Variants in GALNT13 observed in about 807,000 individuals in gnomAD.
GALNT13 encodes the protein UDP-GalNAc:polypeptide N-acetylgalactosaminyltransferase 13.
A neutral mutation model predicts 64.2 loss-of-function variants in GALNT13; 28 were observed. The observed-to-expected ratio is 0.44, with a 90% CI of 0.32 to 0.60. GALNT13 has a LOEUF of 0.60. GALNT13 is among the 20% of genes least tolerant of loss of function. The probability of loss-of-function intolerance (pLI) is 0.05; values close to 1 mark genes in which losing one functional copy is unlikely to be tolerated. For missense variants in GALNT13, 577 were observed against 669.8 expected (o/e 0.86, Z 1.53); for synonymous variants, 214 against 224.6 (o/e 0.95, Z 0.42).
At chr2:153,640,155 C>T in the GALNT13 span, among the ~76,000 whole-genome samples, 1 of 152,052 alleles carries the variant, frequency 6.6e-6, no homozygotes, top group Non-Finnish European at 1.5e-5. Flanking sequence ...CTGTGGCTCC[C>T]TCTTGTCTCT....
chr2:153,942,402 C>T (rs1691400517), intron 2 of GALNT13, among the ~76,000 whole-genome samples: 1 of 151,930 alleles, frequency 6.6e-6, no homozygotes. Context: ...TTATTTTCTA[C>T]AATAAAGTGA....
the GALNT13 span, among the ~76,000 whole-genome samples, chr2:153,156,212 G>GT: frequency 1.3e-5 from 2 of 152,150 alleles, no homozygotes; most frequent in African/African-American, 4.8e-5. Context: ...ATATTTTGTT[G>GT]TTTTGGGATG....
intron 9 of GALNT13, among the ~76,000 whole-genome samples, chr2:154,341,006 G>T (rs959630007): frequency 6.6e-6 from 1 of 151,872 alleles, no homozygotes; most frequent in Admixed American, 6.6e-5. Flanking sequence ...ATAATACATA[G>T]ATATTTTATT....
chr2:154,020,306 A>C (rs1372727706), intron 3 of GALNT13, among the ~76,000 whole-genome samples: 2 of 152,214 alleles, frequency 1.3e-5, no homozygotes, highest in Non-Finnish European at 2.9e-5. Context: ...ACTAGTTTAC[A>C]GTCTCACCAA....
chr2:154,132,628 G>A (rs1365535101), intron 3 of GALNT13, among the ~76,000 whole-genome samples: 1 of 152,128 alleles, frequency 6.6e-6, no homozygotes, highest in East Asian at 1.9e-4. Context: ...GCTCATGCCT[G>A]TAATTCCAGC....
chr2:154,114,320 A>C (rs1224328515), intron 3 of GALNT13, among the ~76,000 whole-genome samples: 1 of 152,118 alleles, frequency 6.6e-6, no homozygotes, highest in Non-Finnish European at 1.5e-5. Context: ...GCACTGGGGA[A>C]ATGACCACAG....
the GALNT13 span, among the ~76,000 whole-genome samples, chr2:153,725,513 T>C: frequency 6.6e-6 from 1 of 151,644 alleles, no homozygotes; most frequent in Admixed American, 6.6e-5. Context: ...CTAATATGAC[T>C]AAGATGCAGT....
chr2:153,333,722 T>A, the GALNT13 span, among the ~76,000 whole-genome samples: 1 of 152,232 alleles, frequency 6.6e-6, no homozygotes, highest in Non-Finnish European at 1.5e-5. Context: ...AGAAAGTTAC[T>A]CATAGCCAAA....
At chr2:153,341,449 A>G in the GALNT13 span, among the ~76,000 whole-genome samples, 7 of 152,336 alleles carry the variant, frequency 4.6e-5, no homozygotes, top group African/African-American at 1.7e-4. Flanking sequence ...AGCTCTTTGC[A>G]ACTAGAGAAT....
At chr2:153,769,331 AT>A in the GALNT13 span, among the ~76,000 whole-genome samples, 35,709 of 151,976 alleles carry the variant, frequency 0.23, 4,504 homozygotes, top group Non-Finnish European at 0.28. Flanking sequence ...TTTATTTTTC[AT>A]TTATGAAGGT....
intron 4 of GALNT13, among the ~76,000 whole-genome samples, chr2:154,229,839 G>A (rs995556257): frequency 6.6e-6 from 1 of 152,078 alleles, no homozygotes; most frequent in Non-Finnish European, 1.5e-5. Context: ...ATAACATGAG[G>A]TGAAGCTGAT....
intron 11 of GALNT13, among the ~76,000 whole-genome samples, chr2:154,412,117 A>C (rs1699821617): frequency 6.6e-6 from 1 of 151,854 alleles, no homozygotes; most frequent in Non-Finnish European, 1.5e-5. Flanking sequence ...CAAGCAAGAT[A>C]AAAGCACAAC....
the GALNT13 span, among the ~76,000 whole-genome samples, chr2:153,607,737 A>T: frequency 3.3e-5 from 5 of 152,084 alleles, no homozygotes; most frequent in African/African-American, 1.2e-4. Context: ...AACTTAATAA[A>T]CTCAGCTATA....
the GALNT13 span, among the ~76,000 whole-genome samples, chr2:153,074,811 T>G: frequency 6.6e-6 from 1 of 152,210 alleles, no homozygotes; most frequent in Non-Finnish European, 1.5e-5. Flanking sequence ...CATAACTCAC[T>G]GCAGCCCCAA....
intron 2 of GALNT13, among the ~76,000 whole-genome samples, chr2:153,902,435 G>A (rs1452280491): frequency 6.6e-6 from 1 of 152,058 alleles, no homozygotes; most frequent in Non-Finnish European, 1.5e-5. Context: ...GTAAGTGGGA[G>A]AGAAAGACAA....
chr2:153,735,942 G>T, the GALNT13 span, among the ~76,000 whole-genome samples: 1 of 152,164 alleles, frequency 6.6e-6, no homozygotes, highest in African/African-American at 2.4e-5. Context: ...CAAGTTTATC[G>T]TCTGTAAGAT....
At chr2:154,339,003 C>T (rs1291628448) in intron 9 of GALNT13, among the ~76,000 whole-genome samples, 1 of 152,098 alleles carries the variant, frequency 6.6e-6, no homozygotes, top group Non-Finnish European at 1.5e-5. Context: ...GTGCATAATG[C>T]ACTTTGGAGA....
chr2:154,348,986 A>G (rs1378842710), intron 9 of GALNT13, among the ~76,000 whole-genome samples: 1 of 152,236 alleles, frequency 6.6e-6, no homozygotes, highest in East Asian at 1.9e-4. Context: ...ATTTCAAGAT[A>G]ACATTTGTTG....
In GALNT13 at chr2:154,171,971, T is replaced by TACACACAC. The variant is rs57343446; in HGVS notation, c.311+31494_311+31501dup. The stretch of plus-strand genomic sequence containing the variant: ...ACAAAAATTAAATCTTTCTTTCTCA[T>TACACACAC]ACACACACACACACACACACACACA... On this transcript the variant is annotated intron_variant, in intron 4 of 12. Coordinates refer to ENST00000392825, the MANE Select transcript of GALNT13 (RefSeq NM_052917.4). Among the ~76,000 whole-genome samples, 514 of 144,314 alleles carry TACACACAC rather than the reference T, an allele frequency of 3.6e-3. 1 individual carries two copies. The highest frequency in any genetic ancestry group is 0.012 in the African/African-American group (477 of 39,674). The allele number at this position is 144,314 out of a possible 152,430, so 94.7% of individuals were successfully genotyped here.
Sources: gnomAD v4.1 joint callset for allele counts (sites outside exome capture counted in the v4.1 genomes callset) on GRCh38, gnomAD v4.1.1 for gene constraint, MANE v1.5 for transcripts, NCBI Gene and HGNC (gene_info 2026-07-23, HGNC 2026-07-21) for gene names.